NKAIN1: variants seen among roughly 807,000 people sequenced by gnomAD.
NKAIN1 encodes sodium/potassium transporting ATPase interacting 1, also known as sodium/potassium-transporting ATPase subunit beta-1-interacting protein 1.
A neutral mutation model predicts 31.6 loss-of-function variants in NKAIN1; 13 were observed. That is an observed-to-expected ratio of 0.41 (90% CI 0.27 to 0.65). NKAIN1 has a LOEUF of 0.65. Among genes scored for constraint, NKAIN1 ranks in the 30% least tolerant of loss-of-function variants. The pLI, the probability that NKAIN1 is intolerant of heterozygous loss-of-function variation, is 0.30. For missense variants in NKAIN1, 193 were observed against 262.2 expected, an observed-to-expected ratio of 0.74 and a Z score of 1.82; for synonymous variants, 104 against 109.0, an observed-to-expected ratio of 0.95 and a Z score of 0.28.
chr1:31,188,181 C>T lies in NKAIN1; in HGVS notation c.61G>A (p.Ala21Thr). 1 of 1,551,426 alleles carries T rather than the reference C, an allele frequency of 6.4e-7. No individual in the cohort carries two copies. Among genetic ancestry groups the T allele is most frequent in the South Asian group, 1.2e-5 (1 of 84,046 alleles). ...AAGTCAAAGATCTGCCGCTCCAGCGCAGCCACCTGTGGAAGAGACAGGCTG... is the reference window on the plus strand; with the variant it reads ...AAGTCAAAGATCTGCCGCTCCAGCGTAGCCACCTGTGGAAGAGACAGGCTG... The part of the protein sequence containing the change: ...VAFCCLQLVA[A>T]LERQIFDFLG... The change falls in exon 2 of 7, where the codon GCG becomes ACG. Residue 21 changes from alanine (A) to threonine (T), a missense_variant. Ala to Thr is a moderately conservative substitution (Grantham distance 58). Transcript: ENST00000373736.
intron 1 of NKAIN1, among the ~76,000 whole-genome samples, chr1:31,227,698 C>T (rs1645618471): frequency 6.6e-6 from 1 of 152,206 alleles, no homozygotes; most frequent in Non-Finnish European, 1.5e-5. Flanking sequence ...TATCTTTGAA[C>T]CTGGTGTAGG....
At chr1:31,201,519 C>T (rs909249549) in intron 1 of NKAIN1, among the ~76,000 whole-genome samples, 5 of 85,718 alleles carry the variant, frequency 5.8e-5, no homozygotes, top group Admixed American at 1.4e-4. Flanking sequence ...CCACCATGCC[C>T]GGCTAATTTT....
Position 31,219,560 on chromosome 1 carries a change from G to A in NKAIN1, c.54+19934C>T, listed in dbSNP as rs1201998191. Among the ~76,000 whole-genome samples, 4 of 152,228 alleles carry A rather than the reference G, an allele frequency of 2.6e-5. No individual in the cohort carries two copies. The East Asian group carries it at 7.7e-4, about 29-fold the overall frequency. On this transcript the variant is annotated intron_variant, in intron 1 of 6. Transcript: ENST00000373736. The stretch of plus-strand genomic sequence containing the variant: ...CCTGATCCTGTGGACTGCCCGCCCT[G>A]GGGAAAGGGGCATGGCCAGAGGAGG...
chr1:31,236,053 C>T lies in NKAIN1; in HGVS notation c.54+3441G>A, dbSNP rs142115495. ...AAATTCATTATATGGACTGAGTCCT[C>T]ACAACAACCCTAAGGATTAGGAACT... On this transcript the variant is annotated intron_variant, in intron 1 of 6. Coordinates refer to ENST00000373736, the MANE Select transcript of NKAIN1 (RefSeq NM_024522.3). Among the ~76,000 whole-genome samples, 141 of 152,266 alleles carry T rather than the reference C, an allele frequency of 9.3e-4. 1 individual carries two copies. The highest frequency in any genetic ancestry group is 1.8e-3 in the Non-Finnish European group (121 of 68,022).
chr1:31,215,440 C>T (rs956751220), intron 1 of NKAIN1, among the ~76,000 whole-genome samples: 1 of 152,212 alleles, frequency 6.6e-6, no homozygotes, highest in African/African-American at 2.4e-5. Flanking sequence ...TTTACGCTGC[C>T]CGTGATGTGG....
At chr1:31,193,068 T>A (rs1203921193) in intron 1 of NKAIN1, among the ~76,000 whole-genome samples, 8 of 150,576 alleles carry the variant, frequency 5.3e-5, no homozygotes, top group Middle Eastern at 3.4e-3. Context: ...TATTTATTTT[T>A]TTATTTTTTT....
chr1:31,239,853 C>A lies in NKAIN1; in HGVS notation c.-306G>T, dbSNP rs1320870043. On this transcript the variant is annotated 5_prime_UTR_variant, in exon 1 of 7. Transcript: ENST00000373736. The surrounding 1 kb of genome is among the most constrained non-coding windows in gnomAD (Gnocchi z 4.8). ...GGCGGGGAGCGCGGAGCAAGGAGAG[C>A]GAGCCCCGAGCGCGGCGCAGCGCAG... Among the ~76,000 whole-genome samples the A allele has an allele frequency of 6.6e-6, 1 of 151,960 alleles. No homozygotes were observed. Among genetic ancestry groups the A allele is most frequent in the Non-Finnish European group, 1.5e-5 (1 of 67,932 alleles).
chr1:31,208,503 T>C (rs1366033392), intron 1 of NKAIN1, among the ~76,000 whole-genome samples: 1 of 152,020 alleles, frequency 6.6e-6, no homozygotes, highest in Non-Finnish European at 1.5e-5. Context: ...AGGCCTTTGC[T>C]ACCCTATCAA....
chr1:31,200,029 ACACACACACATG>A (rs1645365714), intron 1 of NKAIN1, among the ~76,000 whole-genome samples: 1 of 151,488 alleles, frequency 6.6e-6, no homozygotes. Context: ...ACACACGCAC[ACACACACACATG>A]CACACGTGCA....
chr1:31,211,603 CTT>C (rs35958405), intron 1 of NKAIN1, among the ~76,000 whole-genome samples: 1 of 146,642 alleles, frequency 6.8e-6, no homozygotes, highest in African/African-American at 2.5e-5. Context: ...TTCCAACTAC[CTT>C]TTTTTTTTTT....
At position 31,188,268 on chromosome 1, in the gene NKAIN1, G is replaced by A. The variant is rs752317428; in HGVS notation, c.55-81C>T. The A allele has an allele frequency of 1.4e-5, 20 of 1,468,814 alleles. No homozygotes were observed. In the Admixed American group the frequency reaches 3.0e-4, roughly 22 times the overall value. The allele number at this position is 1,468,814 out of a possible 1,614,324, so 91.0% of individuals were successfully genotyped here. A position where few individuals can be genotyped will look rare whatever the true frequency, so the allele number is the denominator to read the frequency against. ...ATTCCTGCTTGACCTTGGGGAGCAG[G>A]TGGCACCAGTTACCATGGTGATGAG... On this transcript the variant is annotated intron_variant, in intron 1 of 6. Transcript: ENST00000373736.
At chr1:31,232,424 T>TATATATAGAGAGAG (rs1313157898) in intron 1 of NKAIN1, among the ~76,000 whole-genome samples, 9 of 16,922 alleles carry the variant, frequency 5.3e-4, no homozygotes, top group African/African-American at 6.9e-4. Context: ...TATATATATA[T>TATATATAGAGAGAG]AGAGAGAGAG....
At position 31,182,054 on chromosome 1, in the gene NKAIN1, C is replaced by T. The variant is rs1645206043; in HGVS notation, c.533-113G>A. The T allele has an allele frequency of 2.5e-5, 27 of 1,079,112 alleles. No individual in the cohort carries two copies. The South Asian group carries it at 3.4e-4, about 14-fold the overall frequency. 66.8% of individuals were successfully genotyped at this position (1,079,112 alleles called of 1,614,324 possible). A position where few individuals can be genotyped will look rare whatever the true frequency, so the allele number is the denominator to read the frequency against. ...AGGACTCCCACCCTAGGAAGCGGAGCCAGAGAAGCCATGAGGAGGGGAGGG... is the reference window on the plus strand; with the variant it reads ...AGGACTCCCACCCTAGGAAGCGGAGTCAGAGAAGCCATGAGGAGGGGAGGG... On this transcript the variant is annotated intron_variant, in intron 5 of 6. Transcript: ENST00000373736.
chr1:31,223,726 G>C (rs1213102149), intron 1 of NKAIN1, among the ~76,000 whole-genome samples: 1 of 152,140 alleles, frequency 6.6e-6, no homozygotes, highest in Non-Finnish European at 1.5e-5. Context: ...TTACAGGCGT[G>C]AGCCACCACG....
chr1:31,198,204 A>C (rs1645346108), intron 1 of NKAIN1, among the ~76,000 whole-genome samples: 1 of 152,074 alleles, frequency 6.6e-6, no homozygotes, highest in Non-Finnish European at 1.5e-5. Context: ...TTCCTTGGCT[A>C]CTACCCCATT....
chr1:31,237,116 T>C (rs761763972), intron 1 of NKAIN1, among the ~76,000 whole-genome samples: 1 of 152,082 alleles, frequency 6.6e-6, no homozygotes, highest in Non-Finnish European at 1.5e-5. Context: ...CTAGGCATGG[T>C]GGTGTGCCCC....
chr1:31,192,031 C>A (rs577246778), intron 1 of NKAIN1, among the ~76,000 whole-genome samples: 1 of 152,340 alleles, frequency 6.6e-6, no homozygotes, highest in South Asian at 2.1e-4. Context: ...CTGCCTTGGC[C>A]TCCCAAAATG....
chr1:31,220,719 C>T (rs1460357773), intron 1 of NKAIN1, among the ~76,000 whole-genome samples: 1 of 144,702 alleles, frequency 6.9e-6, no homozygotes, highest in Non-Finnish European at 1.5e-5. Context: ...AGTGCCACTG[C>T]ACTCCAGCCT....
chr1:31,203,553 A>T (rs1645400893), intron 1 of NKAIN1, among the ~76,000 whole-genome samples: 1 of 151,564 alleles, frequency 6.6e-6, no homozygotes, highest in Non-Finnish European at 1.5e-5. Flanking sequence ...ATTCAGCCAG[A>T]TATATTTCTG....
Sources: allele counts gnomAD v4.1 joint callset (sites outside exome capture counted in the v4.1 genomes callset), GRCh38; gene constraint gnomAD v4.1.1; non-coding constraint Gnocchi (gnomAD v3.1); transcripts MANE v1.5; gene names NCBI Gene and HGNC (gene_info 2026-07-23, HGNC 2026-07-21).